Variants in SEMA5A observed in about 807,000 individuals in gnomAD.
SEMA5A encodes semaphorin 5A, also known as semaphorin-5A.
SEMA5A carries 55 observed loss-of-function variants against 135.5 expected under a neutral mutation model. The observed-to-expected ratio is 0.41, with a 90% CI of 0.33 to 0.51. The LOEUF is 0.51. SEMA5A is among the 20% of genes least tolerant of loss of function. The pLI is 0.37. For synonymous variants in SEMA5A, 580 were observed against 546.5 expected (o/e 1.06, Z -0.85); for missense variants, 1,290 against 1,419.9 (o/e 0.91, Z 1.47).
intron 5 of SEMA5A, among the ~76,000 whole-genome samples, chr5:9,248,477 G>A (rs1055418731): frequency 2.0e-5 from 3 of 151,310 alleles, no homozygotes; most frequent in Non-Finnish European, 4.4e-5. Context: ...TGAGGGTGGA[G>A]CATTGGAGTA....
At chr5:9,320,744 G>A (rs752132245) in intron 4 of SEMA5A, among the ~76,000 whole-genome samples, 32 of 152,038 alleles carry the variant, frequency 2.1e-4, no homozygotes, top group Non-Finnish European at 4.0e-4. Context: ...CCTTTTCAGA[G>A]GAACAAATGT....
intron 15 of SEMA5A, 90 bp downstream of exon 15, chr5:9,118,908 G>A: frequency 6.7e-7 from 1 of 1,498,948 alleles, no homozygotes; most frequent in Non-Finnish European, 9.0e-7. Context: ...AGCTTAGGCA[G>A]ATCCAAAACT....
intron 8 of SEMA5A, among the ~76,000 whole-genome samples, chr5:9,209,517 T>G (rs1196380310): frequency 1.3e-5 from 2 of 152,216 alleles, no homozygotes; most frequent in African/African-American, 4.8e-5. Context: ...TGGTAAATAT[T>G]TTAACTCCTA....
intron 4 of SEMA5A, among the ~76,000 whole-genome samples, chr5:9,330,047 G>A (rs183282130): frequency 5.9e-5 from 9 of 152,098 alleles, no homozygotes; most frequent in Admixed American, 5.9e-4. Context: ...CAGAACCCAG[G>A]GAGGACCAAC....
At position 9,226,863 on chromosome 5, in the gene SEMA5A, C is replaced by A; in HGVS notation, c.432+6G>T. ...AATTCTTTTGAGGCACAAAAAGAAG[C>A]CATACCGAGCGGTTGGTGCAGACAG... On this transcript the variant is annotated splice_donor_region_variant and intron_variant, in intron 7 of 22. Coordinates refer to ENST00000382496, the MANE Select transcript of SEMA5A (RefSeq NM_003966.3). The A allele has an allele frequency of 1.9e-6, 3 of 1,600,274 alleles. No homozygotes were observed. Among genetic ancestry groups the A allele is most frequent in the Non-Finnish European group, 2.6e-6 (3 of 1,171,894 alleles).
chr5:9,168,368 T>G (rs555048816), intron 11 of SEMA5A, among the ~76,000 whole-genome samples: 1 of 152,260 alleles, frequency 6.6e-6, no homozygotes, highest in South Asian at 2.1e-4. Context: ...AGGGGCTGTT[T>G]TTAGTCCATA....
At chr5:9,433,110 C>T (rs987767615) in intron 2 of SEMA5A, among the ~76,000 whole-genome samples, 84 of 151,960 alleles carry the variant, frequency 5.5e-4, no homozygotes, top group Non-Finnish European at 5.9e-5. Context: ...TGTTATTGTC[C>T]GAACATCCAC....
At chr5:9,096,926 TATGATGAAAA>T (rs1739351188) in intron 16 of SEMA5A, among the ~76,000 whole-genome samples, 1 of 152,088 alleles carries the variant, frequency 6.6e-6, no homozygotes, top group South Asian at 2.1e-4. Context: ...AGGTACTCTC[TATGATGAAAA>T]AACAGTAGAC....
intron 14 of SEMA5A, among the ~76,000 whole-genome samples, chr5:9,119,584 A>C (rs1310880933): frequency 6.6e-6 from 1 of 152,140 alleles, no homozygotes; most frequent in African/African-American, 2.4e-5. Flanking sequence ...CTCATCTAAA[A>C]CTGCCGAAAA....
At chr5:9,516,417 G>T (rs1368011252) in intron 1 of SEMA5A, among the ~76,000 whole-genome samples, 1 of 151,884 alleles carries the variant, frequency 6.6e-6, no homozygotes, top group African/African-American at 2.4e-5. Context: ...TAGAAAAAGA[G>T]ATTTCTCTTA....
At chr5:9,236,337 C>A (rs934044198) in intron 6 of SEMA5A, among the ~76,000 whole-genome samples, 1 of 152,162 alleles carries the variant, frequency 6.6e-6, no homozygotes, top group African/African-American at 2.4e-5. Flanking sequence ...CCACCCCTCA[C>A]TTCATGTAAG....
intron 20 of SEMA5A, 74 bp from the exon 21 acceptor site, chr5:9,050,531 G>T: frequency 8.2e-7 from 1 of 1,219,856 alleles, no homozygotes; most frequent in Non-Finnish European, 1.2e-6. Flanking sequence ...CTTCATGTAT[G>T]TTTGTCTAAT....
intron 2 of SEMA5A, among the ~76,000 whole-genome samples, chr5:9,413,246 G>A (rs191736204): frequency 3.3e-5 from 5 of 152,230 alleles, no homozygotes; most frequent in Non-Finnish European, 2.9e-5. Flanking sequence ...ACAGGAGAAT[G>A]GGCGTTACTT....
At chr5:9,392,134 T>C (rs1756188194) in intron 2 of SEMA5A, among the ~76,000 whole-genome samples, 1 of 152,166 alleles carries the variant, frequency 6.6e-6, no homozygotes, top group Non-Finnish European at 1.5e-5. Context: ...TTTACTAAAA[T>C]GTCACCTCTA....
Position 9,368,503 on chromosome 5 carries a change from G to A in SEMA5A, c.124+11320C>T, listed in dbSNP as rs537812100. Among the ~76,000 whole-genome samples the A allele has an allele frequency of 3.3e-5, 5 of 152,230 alleles. No homozygotes were observed. The East Asian group carries it at 5.8e-4, about 18-fold the overall frequency. On this transcript the variant is annotated intron_variant, in intron 3 of 22. Transcript: ENST00000382496. ...AAACCTGTCACCACCTCTTCATCTT[G>A]ATATAGAATATTTGCAGCAACTCAA...
In SEMA5A at chr5:9,268,678, T is replaced by C. The variant is rs556485767; in HGVS notation, c.271-30788A>G. 1.3e-4 allele frequency among the ~76,000 whole-genome samples: 20 copies of C among 152,268 alleles called. No individual in the cohort carries two copies. The South Asian group carries it at 3.7e-3, about 28-fold the overall frequency. ...TGAGCAAAAGATAATTAGATGTTAA[T>C]AAAGAATTTATTTTCCCCGCACTGT... On this transcript the variant is annotated intron_variant, in intron 5 of 22. Coordinates refer to ENST00000382496, the MANE Select transcript of SEMA5A (RefSeq NM_003966.3).
chr5:9,353,889 C>T (rs1172174939), intron 3 of SEMA5A, among the ~76,000 whole-genome samples: 1 of 151,854 alleles, frequency 6.6e-6, no homozygotes, highest in African/African-American at 2.4e-5. Flanking sequence ...AGTCACTGGC[C>T]TCACCCCCAG....
At chr5:9,322,178 T>A (rs2150678093) in intron 4 of SEMA5A, among the ~76,000 whole-genome samples, 1 of 152,250 alleles carries the variant, frequency 6.6e-6, no homozygotes, top group African/African-American at 2.4e-5. Context: ...CAAATATAAC[T>A]CTTCTGATCA....
chr5:9,062,745 G>C (rs1362559871), intron 18 of SEMA5A, 142 bp downstream of exon 18: 1 of 826,160 alleles, frequency 1.2e-6, no homozygotes, highest in Non-Finnish European at 1.9e-6. Context: ...ACCAGCATGA[G>C]CAACCACGCA....
Sources: allele counts gnomAD v4.1 joint callset (sites outside exome capture counted in the v4.1 genomes callset), GRCh38; gene constraint gnomAD v4.1.1; transcripts MANE v1.5; gene names NCBI Gene and HGNC (gene_info 2026-07-23, HGNC 2026-07-21).